Variants in ARHGEF3 observed in about 807,000 individuals in gnomAD.
ARHGEF3 encodes 59.8 kDA protein.
Under a neutral mutation model 63.2 loss-of-function variants are expected in ARHGEF3, and 28 were observed. The ratio of observed to expected loss-of-function variants is 0.44; its 90% confidence interval spans 0.33 to 0.61. The LOEUF is 0.61. ARHGEF3 is among the 20% of genes least tolerant of loss of function. The pLI is 0.03. For missense variants in ARHGEF3, 533 were observed against 659.3 expected, an observed-to-expected ratio of 0.81 and a Z score of 2.10; for synonymous variants, 266 against 254.2, an observed-to-expected ratio of 1.05 and a Z score of -0.44.
At chr3:56,766,427 T>G (rs1168112135) in intron 2 of ARHGEF3, among the ~76,000 whole-genome samples, 1 of 152,218 alleles carries the variant, frequency 6.6e-6, no homozygotes, top group Non-Finnish European at 1.5e-5. Context: ...ATATTCTCCT[T>G]CAGCCCAGTT....
At chr3:56,908,203 C>T (rs956561839) in intron 3 of ARHGEF3, among the ~76,000 whole-genome samples, 2 of 152,190 alleles carry the variant, frequency 1.3e-5, no homozygotes, top group Non-Finnish European at 2.9e-5. Context: ...ACCAGTGACC[C>T]CGAGCGGGGA....
intron 1 of ARHGEF3, among the ~76,000 whole-genome samples, chr3:57,039,643 C>G (rs1352673911): frequency 6.6e-6 from 1 of 152,200 alleles, no homozygotes. Context: ...AGAGGAGACT[C>G]TGTTCTCCTG....
chr3:56,934,599 TA>T (rs912236067), intron 3 of ARHGEF3, among the ~76,000 whole-genome samples: 19 of 152,292 alleles, frequency 1.2e-4, no homozygotes, highest in Admixed American at 3.9e-4. Flanking sequence ...ATGAGGGACT[TA>T]GCACCCGGGC....
At chr3:56,905,374 G>A (rs2041649850) in intron 3 of ARHGEF3, among the ~76,000 whole-genome samples, 1 of 152,078 alleles carries the variant, frequency 6.6e-6, no homozygotes, top group Admixed American at 6.5e-5. Flanking sequence ...CTCTACACTT[G>A]CTTAACACTA....
chr3:56,785,585 C>T (rs1373577327), intron 1 of ARHGEF3, among the ~76,000 whole-genome samples: 4 of 152,340 alleles, frequency 2.6e-5, no homozygotes, highest in Middle Eastern at 3.4e-3. Flanking sequence ...CACAGAACCA[C>T]AGAAAAGTCC....
At chr3:57,071,129 A>G (rs767139755) in intron 1 of ARHGEF3, among the ~76,000 whole-genome samples, 2 of 152,226 alleles carry the variant, frequency 1.3e-5, no homozygotes, top group Non-Finnish European at 2.9e-5. Flanking sequence ...AGATGAATGG[A>G]CTAGAATTGA....
intron 2 of ARHGEF3, among the ~76,000 whole-genome samples, chr3:57,003,102 A>C (rs1702324370): frequency 6.6e-6 from 1 of 151,542 alleles, no homozygotes; most frequent in African/African-American, 2.4e-5. Context: ...TAGATGAGGA[A>C]GCTCCTTAAA....
rs1288735472 is a variant in ARHGEF3 at position 56,968,207 on chromosome 3, A to ATAT, written c.63-9319_63-9318insATA. Among the ~76,000 whole-genome samples the ATAT allele has an allele frequency of 1.9e-3, 31 of 16,692 alleles. 1 individual carries two copies. Among genetic ancestry groups the ATAT allele is most frequent in the South Asian group, 7.3e-3 (3 of 410 alleles). The allele number at this position is 16,692 out of a possible 152,430, so 11.0% of individuals were successfully genotyped here. A position where few individuals can be genotyped will look rare whatever the true frequency, so the allele number is the denominator to read the frequency against. ...ATATATATTATATATAATATATAAA[A>ATAT]ATATATATTATATATAATATATATA... On this transcript the variant is annotated intron_variant, in intron 2 of 12. Transcript: ENST00000338458.
At chr3:56,773,840 AGT>A in intron 1 of ARHGEF3, 24 bp from the exon 2 acceptor site, 6 of 1,478,386 alleles carry the variant, frequency 4.1e-6, no homozygotes, top group Non-Finnish European at 4.6e-6. Context: ...AAAAAAAAAA[AGT>A]AAAATGTCAA....
intron 2 of ARHGEF3, among the ~76,000 whole-genome samples, chr3:56,757,721 T>C (rs907276029): frequency 6.6e-6 from 1 of 151,810 alleles, no homozygotes; most frequent in Non-Finnish European, 1.5e-5. Context: ...TATATATTTT[T>C]AGCCTTTTTT....
intron 1 of ARHGEF3, among the ~76,000 whole-genome samples, chr3:56,794,285 C>T (rs75103024): frequency 0.04 from 6,008 of 151,920 alleles, 289 homozygotes; most frequent in East Asian, 0.22. Flanking sequence ...GTCAGGAGTT[C>T]GAGACCAGCC....
chr3:57,013,229 G>A (rs934506713), intron 2 of ARHGEF3, among the ~76,000 whole-genome samples: 2 of 152,194 alleles, frequency 1.3e-5, no homozygotes, highest in African/African-American at 2.4e-5. Flanking sequence ...TCCCATCGAC[G>A]GCCCAAGGGC....
intron 1 of ARHGEF3, among the ~76,000 whole-genome samples, chr3:57,054,760 C>A (rs1413519984): frequency 6.6e-6 from 1 of 151,140 alleles, no homozygotes; most frequent in African/African-American, 2.4e-5. Flanking sequence ...CAAGGATTCT[C>A]CTGCCTTAGC....
chr3:56,989,618 C>T (rs931558226), intron 2 of ARHGEF3, among the ~76,000 whole-genome samples: 3 of 152,166 alleles, frequency 2.0e-5, no homozygotes, highest in African/African-American at 4.8e-5. Flanking sequence ...CTGTGACACA[C>T]GCCCAGACTC....
At chr3:56,769,721 T>C (rs573738007) in intron 2 of ARHGEF3, among the ~76,000 whole-genome samples, 1 of 152,330 alleles carries the variant, frequency 6.6e-6, no homozygotes, top group African/African-American at 2.4e-5. Context: ...TGCTAAGTGT[T>C]CCAGCACTGA....
At chr3:57,022,320 G>T (rs1402269388) in intron 2 of ARHGEF3, among the ~76,000 whole-genome samples, 1 of 151,766 alleles carries the variant, frequency 6.6e-6, no homozygotes, top group Non-Finnish European at 1.5e-5. Context: ...AACAAAGGAA[G>T]AGAGGACCCA....
intron 2 of ARHGEF3, among the ~76,000 whole-genome samples, chr3:56,969,022 G>C (rs1354390622): frequency 6.6e-6 from 1 of 152,188 alleles, no homozygotes; most frequent in Non-Finnish European, 1.5e-5. Context: ...TTCTCCAAAA[G>C]GATGTTAGTG....
At chr3:57,068,919 ATTTTT>A (rs35984791) in intron 1 of ARHGEF3, among the ~76,000 whole-genome samples, 1 of 138,270 alleles carries the variant, frequency 7.2e-6, no homozygotes, top group Non-Finnish European at 1.6e-5. Context: ...AAAAGATCTG[ATTTTT>A]TTTTTTTTTT....
chr3:56,770,262 T>C (rs1310957899), intron 2 of ARHGEF3, among the ~76,000 whole-genome samples: 1 of 151,658 alleles, frequency 6.6e-6, no homozygotes, highest in Non-Finnish European at 1.5e-5. Flanking sequence ...ACACAAAAAT[T>C]AGCCAGGTGT....
Sources: gnomAD v4.1 joint callset for allele counts (sites outside exome capture counted in the v4.1 genomes callset) on GRCh38, gnomAD v4.1.1 for gene constraint, MANE v1.5 for transcripts, NCBI Gene and HGNC (gene_info 2026-07-23, HGNC 2026-07-21) for gene names.